The following RBM12B variants were observed in gnomAD, a reference collection of about 807,000 sequenced individuals.
The protein encoded by RBM12B is RNA-binding protein 12B.
RBM12B carries 10 observed loss-of-function variants against 34.3 expected under a neutral mutation model. That is an observed-to-expected ratio of 0.29 (90% CI 0.18 to 0.49). RBM12B has a LOEUF of 0.49. Ranked by LOEUF, RBM12B falls within the 20% of genes least tolerant of loss-of-function variation. The pLI, the probability that RBM12B is intolerant of heterozygous loss-of-function variation, is 0.99. For synonymous variants in RBM12B, 477 were observed against 437.1 expected (o/e 1.09, Z -1.14); for missense variants, 1,139 against 1,262.7 (o/e 0.90, Z 1.48).
In RBM12B at chr8:93,728,355, G is replaced by C; in HGVS notation, c.*5050C>G. On this transcript the variant is annotated 3_prime_UTR_variant, in exon 4 of 4. Coordinates refer to ENST00000520560, the MANE Select transcript of RBM12B (RefSeq NM_001377960.1). ...TGAAATCCACAATGACTAAATTGTAGAACTTTATACTCACTTTGCTATGTT... is the reference window on the plus strand; with the variant it reads ...TGAAATCCACAATGACTAAATTGTACAACTTTATACTCACTTTGCTATGTT... 8.8e-7 allele frequency: 1 copy of C among 1,136,428 alleles called. No individual in the cohort carries two copies. The highest frequency in any genetic ancestry group is 1.3e-6 in the Non-Finnish European group (1 of 782,322). 70.4% of individuals were successfully genotyped at this position (1,136,428 alleles called of 1,614,324 possible). A position where few individuals can be genotyped will look rare whatever the true frequency, so the allele number is the denominator to read the frequency against.
chr8:93,732,706 A>G lies in RBM12B; in HGVS notation c.*699T>C, dbSNP rs1240505365. The G allele has an allele frequency of 2.0e-5, 3 of 152,236 alleles. No homozygotes were observed. Among genetic ancestry groups the G allele is most frequent in the Non-Finnish European group, 4.4e-5 (3 of 68,042 alleles). The allele number at this position is 152,236 out of a possible 1,614,324, so 9.4% of individuals were successfully genotyped here. ...CTCCCATCATAAATATGGTTTAATG[A>G]AGTTATTGAAAAACTTCACAATATC... On this transcript the variant is annotated 3_prime_UTR_variant, in exon 4 of 4. Transcript: ENST00000520560.
chr8:93,731,861 C>T lies in RBM12B; in HGVS notation c.*1544G>A, dbSNP rs1289092394. 1 of 152,072 alleles carries T rather than the reference C, an allele frequency of 6.6e-6. No individual in the cohort carries two copies. Among genetic ancestry groups the T allele is most frequent in the African/African-American group, 2.4e-5 (1 of 41,302 alleles). 9.4% of individuals were successfully genotyped at this position (152,072 alleles called of 1,614,324 possible). A position where few individuals can be genotyped will look rare whatever the true frequency, so the allele number is the denominator to read the frequency against. ...CCATATGAGTATCCCAAGAGAAACC[C>T]TGGATAGAAAGAAACTTTTAAAGTC... On this transcript the variant is annotated 3_prime_UTR_variant, in exon 4 of 4. Transcript: ENST00000520560.
chr8:93,740,628 C>CGA lies in RBM12B; in HGVS notation c.-78_-78+1insTC. On this transcript the variant is annotated splice_region_variant and 5_prime_UTR_variant. Coordinates refer to ENST00000520560, the MANE Select transcript of RBM12B (RefSeq NM_001377960.1). ...ATGACATAGCAAAGAAAAAAATATA[C>CGA]CTATGAAATCCTTCGAGATCTTCAC... 1 of 383,946 alleles carries CGA rather than the reference C, an allele frequency of 2.6e-6. No homozygotes were observed. The highest frequency in any genetic ancestry group is 5.2e-6 in the Non-Finnish European group (1 of 191,756). 23.8% of individuals were successfully genotyped at this position (383,946 alleles called of 1,614,324 possible).
At chr8:93,740,562 C>T (rs1052884146) in intron 2 of RBM12B, 67 bp downstream of exon 2, 1 of 455,262 alleles carries the variant, frequency 2.2e-6, no homozygotes, top group African/African-American at 2.0e-5. Flanking sequence ...TCAAGCCTAA[C>T]GAGCTGGGCC....
Position 93,734,065 on chromosome 8 carries a change from C to T in RBM12B, c.2346G>A (p.Pro782=), listed in dbSNP as rs767131877. The change falls in exon 4 of 4, where the codon CCG becomes CCA. Residue 782 remains proline (P), a synonymous_variant. Transcript: ENST00000520560. ...GCGGCCGCCTGAAATGCTCCTGGGGCGGTCTCCGGAAGTGCTCCGGGGGCG... is the reference window on the plus strand; with the variant it reads ...GCGGCCGCCTGAAATGCTCCTGGGGTGGTCTCCGGAAGTGCTCCGGGGGCG... The part of the protein sequence containing the change: ...RRPPPEHFRR[P]PQEHFRRPPQ... The T allele has an allele frequency of 2.5e-5, 39 of 1,581,044 alleles. No individual in the cohort carries two copies. Among genetic ancestry groups the T allele is most frequent in the Non-Finnish European group, 3.3e-5 (38 of 1,166,880 alleles).
Position 93,733,269 on chromosome 8 carries a change from T to C in RBM12B, c.*136A>G, listed in dbSNP as rs1811853572. ...AAAACCAGATTCACATTCTACTATT[T>C]ACATTTGTTCTATTCACAGGTCAAA... On this transcript the variant is annotated 3_prime_UTR_variant, in exon 4 of 4. Coordinates refer to ENST00000520560, the MANE Select transcript of RBM12B (RefSeq NM_001377960.1). 1 of 580,610 alleles carries C rather than the reference T, an allele frequency of 1.7e-6. No homozygotes were observed. The highest frequency in any genetic ancestry group is 2.6e-6 in the Non-Finnish European group (1 of 381,096). 36.0% of individuals were successfully genotyped at this position (580,610 alleles called of 1,614,324 possible). A position where few individuals can be genotyped will look rare whatever the true frequency, so the allele number is the denominator to read the frequency against.
rs377086209 is a variant in RBM12B, at chr8:93,734,216, C to A, written c.2195G>T (p.Arg732Leu). The A allele has an allele frequency of 5.0e-6, 8 of 1,595,332 alleles. No homozygotes were observed. The Admixed American group carries it at 5.2e-5, about 10-fold the overall frequency. ...HFRRPPQEHF[R>L]RPPPEHFRRP... is the part of the protein sequence containing the mutation. ...CCGGAAATGCTCTGGGGGTGGCCGA[C>A]GGAAATGCTCCTGAGGTGGCCTCCG... The change falls in exon 4 of 4, where the codon CGT becomes CTT. Residue 732 changes from arginine (R) to leucine (L), a missense_variant. Physicochemically the swap from Arg to Leu is moderately radical, Grantham distance 102. Around this residue, in one of 3 missense-constraint regions of RBM12B, gnomAD observed 863 missense variants for 869.5 expected, o/e 0.99. Transcript: ENST00000520560.
In RBM12B at chr8:93,735,502, G is replaced by A. The variant is rs1811988430; in HGVS notation, c.909C>T (p.Phe303=). 1 of 1,613,506 alleles carries A rather than the reference G, an allele frequency of 6.2e-7. No individual in the cohort carries two copies. The highest frequency in any genetic ancestry group is 8.5e-7 in the Non-Finnish European group (1 of 1,179,710). Residue 303 remains phenylalanine, a synonymous_variant, in exon 4 of 4, where the codon TTC becomes TTT. Transcript: ENST00000520560. ...CATCAGTCAGATCAGTACCTCTAAA[G>A]AAATTTCTTAAATCTCTTTCGTCAA... ...LSIDERDLRN[F]FRGTDLTDEQ...
At position 93,735,688 on chromosome 8, in the gene RBM12B, A is replaced by T; in HGVS notation, c.723T>A (p.Val241=). Residue 241 remains valine (V), a synonymous_variant, in exon 4 of 4, where the codon GTT becomes GTA. Transcript: ENST00000520560. ...ATCTCCTAAGAACGTCACCCTCCTTAACTGCATTACCACCAAACTCAATCC... is the reference window on the plus strand; with the variant it reads ...ATCTCCTAAGAACGTCACCCTCCTTTACTGCATTACCACCAAACTCAATCC... ...QQWIEFGGNA[V]KEGDVLRRSE... is the part of the protein sequence containing the mutation. 1 of 1,614,134 alleles carries T rather than the reference A, an allele frequency of 6.2e-7. No homozygotes were observed. The highest frequency in any genetic ancestry group is 8.5e-7 in the Non-Finnish European group (1 of 1,180,016).
chr8:93,733,122 C>T lies in RBM12B; in HGVS notation c.*283G>A, dbSNP rs758929494. ...TACTTCAATAAGTCTTGAAGATTAC[C>T]GATGACATCAACAAAAATGAATGAA... On this transcript the variant is annotated 3_prime_UTR_variant, in exon 4 of 4. Transcript: ENST00000520560. The T allele has an allele frequency of 2.3e-5, 5 of 215,966 alleles. No individual in the cohort carries two copies. Among genetic ancestry groups the T allele is most frequent in the African/African-American group, 4.6e-5 (2 of 43,656 alleles). 13.4% of individuals were successfully genotyped at this position (215,966 alleles called of 1,614,324 possible). A position where few individuals can be genotyped will look rare whatever the true frequency, so the allele number is the denominator to read the frequency against.
chr8:93,739,212 T>C (rs1437042185), intron 2 of RBM12B: 2 of 152,148 alleles, frequency 1.3e-5, no homozygotes, highest in Admixed American at 1.3e-4. Context: ...CCTAAGCTTT[T>C]AAAAAAATTT....
chr8:93,740,359 T>C lies in RBM12B; in HGVS notation c.-78+270A>G, dbSNP rs750392985. The C allele has an allele frequency of 5.0e-5, 23 of 457,298 alleles. 1 individual carries two copies. The highest frequency in any genetic ancestry group is 3.2e-4 in the Middle Eastern group (1 of 3,104). 28.3% of individuals were successfully genotyped at this position (457,298 alleles called of 1,614,324 possible). On this transcript the variant is annotated intron_variant, in intron 2 of 3. Transcript: ENST00000520560. The stretch of plus-strand genomic sequence containing the variant: ...ACTCCCAGGGGTCAGAGCTTCCTTC[T>C]TTCGCGCCAGGCCAAAGTTGCTACG...
At chr8:93,740,512 G>A (rs1025000658) in intron 2 of RBM12B, 117 bp downstream of exon 2, 2 of 457,056 alleles carry the variant, frequency 4.4e-6, no homozygotes, top group Non-Finnish European at 8.8e-6. Context: ...TCGCCAGAGG[G>A]TGAACTGCCC....
chr8:93,737,068 G>A (rs1157967198), intron 3 of RBM12B, among the ~76,000 whole-genome samples: 1 of 152,166 alleles, frequency 6.6e-6, no homozygotes, highest in Non-Finnish European at 1.5e-5. Flanking sequence ...CGGGCATGGT[G>A]GCATGCACCT....
At chr8:93,736,889 T>C (rs889056653) in intron 3 of RBM12B, among the ~76,000 whole-genome samples, 2 of 152,240 alleles carry the variant, frequency 1.3e-5, no homozygotes, top group African/African-American at 4.8e-5. Flanking sequence ...GATAATAAAT[T>C]GCCTACCACT....
chr8:93,737,096 G>A (rs1812044740), intron 3 of RBM12B, among the ~76,000 whole-genome samples: 1 of 152,168 alleles, frequency 6.6e-6, no homozygotes, highest in African/African-American at 2.4e-5. Context: ...CAGCTACTCA[G>A]GAGGCTGAGG....
intron 2 of RBM12B, chr8:93,739,310 A>C (rs1349300610): frequency 6.6e-6 from 1 of 152,196 alleles, no homozygotes; most frequent in Non-Finnish European, 1.5e-5. Flanking sequence ...ATTCAAAAAA[A>C]CTCTAGTAAT....
chr8:93,740,607 C>A (rs779369391), intron 2 of RBM12B, 22 bp downstream of exon 2: 8 of 429,112 alleles, frequency 1.9e-5, no homozygotes, highest in South Asian at 8.2e-5. Flanking sequence ...ACTACGATGA[C>A]ATAGCAAAGA....
In RBM12B at chr8:93,735,221, C is replaced by T; in HGVS notation, c.1190G>A (p.Gly397Asp). The T allele has an allele frequency of 6.2e-7, 1 of 1,614,038 alleles. No individual in the cohort carries two copies. Residue 397 changes from glycine to aspartate, a missense_variant, in exon 4 of 4, where the codon GGC becomes GAC. Coordinates refer to ENST00000520560, the MANE Select transcript of RBM12B (RefSeq NM_001377960.1). ...SQKYSQEGNS[G>D]QKLCIYIRNF... ...TCTTATATAGATGCACAGTTTCTGG[C>T]CAGAGTTACCTTCTTGAGAGTATTT...
Sources: gnomAD v4.1 joint callset for allele counts (sites outside exome capture counted in the v4.1 genomes callset) on GRCh38, gnomAD v4.1.1 for gene constraint, gnomAD v4.1.1 regional missense constraint, MANE v1.5 for transcripts, NCBI Gene and HGNC (gene_info 2026-07-23, HGNC 2026-07-21) for gene names.